Variants in TOPAZ1 observed in about 807,000 individuals in gnomAD.
TOPAZ1 encodes testis and ovary specific TOPAZ 1.
A neutral mutation model predicts 172.2 loss-of-function variants in TOPAZ1; 66 were observed. The observed-to-expected ratio is 0.38, with a 90% confidence interval of 0.31 to 0.47. The LOEUF is 0.47. Among genes scored for constraint, TOPAZ1 ranks in the 20% least tolerant of loss-of-function variants. The pLI, the probability that TOPAZ1 is intolerant of heterozygous loss-of-function variation, is 0.99. For synonymous variants in TOPAZ1, 681 were observed against 683.9 expected (o/e 1.00, Z 0.07); for missense variants, 1,822 against 1,972.4 (o/e 0.92, Z 1.44).
At chr3:44,322,473 C>T (rs980714772) in intron 17 of TOPAZ1, among the ~76,000 whole-genome samples, 4 of 152,244 alleles carry the variant, frequency 2.6e-5, no homozygotes, top group African/African-American at 7.2e-5. Context: ...AATGCATCCT[C>T]TGAAATTTTT....
At chr3:44,288,249 T>C (rs1443320563) in intron 11 of TOPAZ1, among the ~76,000 whole-genome samples, 1 of 152,114 alleles carries the variant, frequency 6.6e-6, no homozygotes, top group Admixed American at 6.5e-5. Context: ...TACTTCAGAA[T>C]AGGCCTGATA....
chr3:44,303,089 T>C (rs1206237931), intron 12 of TOPAZ1, among the ~76,000 whole-genome samples: 1 of 152,196 alleles, frequency 6.6e-6, no homozygotes, highest in Admixed American at 6.5e-5. Context: ...CAACTCGGCC[T>C]TCCAGAGTGC....
chr3:44,292,682 G>A (rs1385296492), intron 12 of TOPAZ1, among the ~76,000 whole-genome samples: 2 of 152,172 alleles, frequency 1.3e-5, no homozygotes, highest in Non-Finnish European at 2.9e-5. Flanking sequence ...AGTTGTATAT[G>A]TTTACAGAGT....
At chr3:44,249,729 G>A (rs1054697069) in intron 2 of TOPAZ1, among the ~76,000 whole-genome samples, 2 of 152,132 alleles carry the variant, frequency 1.3e-5, no homozygotes, top group Admixed American at 6.5e-5. Flanking sequence ...ATTCCTATTT[G>A]AGAATATCGC....
intron 2 of TOPAZ1, among the ~76,000 whole-genome samples, chr3:44,250,962 T>C (rs1699623203): frequency 6.6e-6 from 1 of 152,190 alleles, no homozygotes; most frequent in Admixed American, 6.5e-5. Context: ...TACCATAATA[T>C]TTCTCTGCCT....
Position 44,303,473 on chromosome 3 carries a change from T to C in TOPAZ1, c.3798-542T>C, listed in dbSNP as rs989001070. 7.7e-5 allele frequency among the ~76,000 whole-genome samples: 10 copies of C among 130,474 alleles called. No homozygotes were observed. In the East Asian group the frequency reaches 2.4e-3, roughly 31 times the overall value. 85.6% of individuals were successfully genotyped at this position (130,474 alleles called of 152,430 possible). On this transcript the variant is annotated intron_variant, in intron 12 of 19. Transcript: ENST00000309765. Reference sequence around the variant, plus strand: ...TGTGGTTCTGATCTACCCAGATGCTTGCTTGCTTTTTTTTTTTTTTTTTTT... The same window carrying C: ...TGTGGTTCTGATCTACCCAGATGCTCGCTTGCTTTTTTTTTTTTTTTTTTT...
At chr3:44,305,416 C>CT in intron 14 of TOPAZ1, 95 bp downstream of exon 14, 1 of 1,139,866 alleles carries the variant, frequency 8.8e-7, no homozygotes. Flanking sequence ...GTTACCCAGG[C>CT]TGGAGTACAG....
chr3:44,273,481 T>C (rs1441466178), intron 8 of TOPAZ1, among the ~76,000 whole-genome samples: 1 of 152,206 alleles, frequency 6.6e-6, no homozygotes, highest in Non-Finnish European at 1.5e-5. Flanking sequence ...ATTATCTTCC[T>C]AAAATATGGA....
At chr3:44,287,889 A>G (rs745757375) in intron 11 of TOPAZ1, 50 bp downstream of exon 11, 3 of 928,322 alleles carry the variant, frequency 3.2e-6, no homozygotes, top group South Asian at 3.4e-5. Context: ...AACCAAGAAA[A>G]TAATTGTTTC....
chr3:44,257,403 GTGTGTCTATTTTA>G (rs1181520188), intron 4 of TOPAZ1, among the ~76,000 whole-genome samples: 1 of 84,230 alleles, frequency 1.2e-5, no homozygotes, highest in Non-Finnish European at 2.3e-5. Flanking sequence ...GTGTGTGTGT[GTGTGTCTATTTTA>G]TATATTTTAT....
intron 12 of TOPAZ1, among the ~76,000 whole-genome samples, chr3:44,297,392 CAT>C (rs774539448): frequency 5.9e-5 from 9 of 152,048 alleles, no homozygotes; most frequent in South Asian, 4.2e-4. Context: ...AGAAAAACCA[CAT>C]GATTATTCAA....
chr3:44,327,393 T>C (rs1700611952), intron 18 of TOPAZ1, among the ~76,000 whole-genome samples: 1 of 152,120 alleles, frequency 6.6e-6, no homozygotes, highest in South Asian at 2.1e-4. Context: ...AGAAGTTTTA[T>C]AGGTATTTCC....
intron 2 of TOPAZ1, among the ~76,000 whole-genome samples, chr3:44,252,476 G>T (rs1699645441): frequency 6.6e-6 from 1 of 152,202 alleles, no homozygotes; most frequent in Non-Finnish European, 1.5e-5. Context: ...AAATTGCTTG[G>T]CATGGCTTTT....
At chr3:44,309,321 C>T (rs185667389) in intron 15 of TOPAZ1, among the ~76,000 whole-genome samples, 32 of 152,272 alleles carry the variant, frequency 2.1e-4, no homozygotes, top group Admixed American at 1.8e-3. Context: ...GGTTTCACCA[C>T]ACTCCCCAGG....
Position 44,244,781 on chromosome 3 carries a change from G to T in TOPAZ1, c.2275G>T (p.Asp759Tyr). 1 of 1,551,488 alleles carries T rather than the reference G, an allele frequency of 6.4e-7. No homozygotes were observed. The highest frequency in any genetic ancestry group is 1.2e-5 in the South Asian group (1 of 84,042). The change falls in exon 2 of 20, where the codon GAC becomes TAC. Residue 759 changes from aspartate (D) to tyrosine (Y), a missense_variant. Asp to Tyr is a radical substitution (Grantham distance 160). Transcript: ENST00000309765. Reference protein sequence around the residue: ...NSVTPVQASSDSFYNKKSYSI... With the variant: ...NSVTPVQASSYSFYNKKSYSI... ...TGTAACTCCAGTGCAAGCTAGTTCT[G>T]ACTCATTCTACAATAAGAAATCCTA...
rs1490943792 is a variant in TOPAZ1, at chr3:44,328,319, C to G, written c.4745C>G (p.Ser1582Cys). The stretch of plus-strand genomic sequence containing the variant: ...TACCGAAAACTTCTTCTAATTCCAT[C>G]TTATTTATCTGAGATTGAAATGCTC... ...NLYRKLLLIP[S>C]YLSEIEMLLA... The change falls in exon 19 of 20, where the codon TCT (serine) becomes TGT (cysteine). Residue 1582 changes from serine (S) to cysteine (C), a missense_variant. Ser to Cys is a moderately radical substitution (Grantham distance 112, BLOSUM62 -1). Around this residue, in one of 2 missense-constraint regions of TOPAZ1, gnomAD observed 333 missense variants for 481.7 expected, o/e 0.69. Transcript: ENST00000309765. 6.6e-7 allele frequency: 1 copy of G among 1,517,304 alleles called. No individual in the cohort carries two copies. The highest frequency in any genetic ancestry group is 8.8e-7 in the Non-Finnish European group (1 of 1,133,824). The allele number at this position is 1,517,304 out of a possible 1,614,324, so 94.0% of individuals were successfully genotyped here.
chr3:44,290,935 G>T, intron 12 of TOPAZ1, 49 bp downstream of exon 12: 2 of 1,233,728 alleles, frequency 1.6e-6, no homozygotes, highest in East Asian at 2.7e-5. Context: ...GTCTTGGTGG[G>T]GACTTATAAA....
chr3:44,242,393 A>G lies in TOPAZ1; in HGVS notation c.340A>G (p.Arg114Gly), dbSNP rs1031819738. Residue 114 changes from arginine (R) to glycine (G), a missense_variant, in exon 1 of 20, where the codon AGA (arginine) becomes GGA (glycine). Arg to Gly is a moderately radical substitution (Grantham distance 125). This residue lies in a region of TOPAZ1 where 1,489 missense variants were observed against 1,490.8 expected (regional missense o/e 1.00). Transcript: ENST00000309765. ...GGCTGAACTCCCCTTGCAAACGGAA[A>G]GACACAGTAAGAAAGCATCCACGAT... The part of the protein sequence containing the change: ...KEAELPLQTE[R>G]HTKEKRKVTE... The G allele has an allele frequency of 5.8e-6, 9 of 1,552,356 alleles. No individual in the cohort carries two copies. Among genetic ancestry groups the G allele is most frequent in the African/African-American group, 1.4e-5 (1 of 73,172 alleles).
intron 16 of TOPAZ1, among the ~76,000 whole-genome samples, chr3:44,317,428 T>C (rs1486485066): frequency 2.0e-5 from 3 of 152,080 alleles, no homozygotes; most frequent in African/African-American, 4.8e-5. Flanking sequence ...CTCAAAAAAA[T>C]AAATAAAAAT....
Sources: allele counts gnomAD v4.1 joint callset (sites outside exome capture counted in the v4.1 genomes callset), GRCh38; gene constraint gnomAD v4.1.1; regional missense constraint gnomAD v4.1.1; transcripts MANE v1.5; gene names NCBI Gene and HGNC (gene_info 2026-07-23, HGNC 2026-07-21).